The following KCND2 variants were observed in gnomAD, a reference collection of about 807,000 sequenced individuals.
The protein encoded by KCND2 is potassium voltage-gated channel subfamily D member 2.
Under a neutral mutation model 54.4 loss-of-function variants are expected in KCND2, and 16 were observed. The observed-to-expected ratio is 0.29, with a 90% CI of 0.20 to 0.45. The LOEUF is 0.45. Among genes scored for constraint, KCND2 ranks in the 20% least tolerant of loss-of-function variants. The pLI is 1.00. For missense variants in KCND2, 486 were observed against 824.2 expected (o/e 0.59, Z 5.02); for synonymous variants, 317 against 310.7 (o/e 1.02, Z -0.21).
intron 1 of KCND2, among the ~76,000 whole-genome samples, chr7:120,562,863 A>G (rs1792252316): frequency 6.6e-6 from 1 of 152,212 alleles, no homozygotes; most frequent in Non-Finnish European, 1.5e-5. Flanking sequence ...TTTTTGTTAA[A>G]CAAAGATAAT....
intron 1 of KCND2, among the ~76,000 whole-genome samples, chr7:120,367,854 C>T (rs1433850165): frequency 2.0e-5 from 3 of 151,992 alleles, no homozygotes; most frequent in African/African-American, 4.8e-5. Flanking sequence ...CTAAATATTT[C>T]GTTTTCATTG....
At chr7:120,309,452 C>CATATATAT (rs61690032) in intron 1 of KCND2, among the ~76,000 whole-genome samples, 2,385 of 68,020 alleles carry the variant, frequency 0.035, 47 homozygotes, top group Non-Finnish European at 0.052. Context: ...TAATAGAAAA[C>CATATATAT]ATATATATAT....
At chr7:120,597,468 C>T (rs1379106999) in intron 1 of KCND2, among the ~76,000 whole-genome samples, 6 of 151,874 alleles carry the variant, frequency 4.0e-5, no homozygotes, top group Non-Finnish European at 5.9e-5. Context: ...TAAAAATAAC[C>T]GAAGACATAT....
intron 1 of KCND2, among the ~76,000 whole-genome samples, chr7:120,654,683 A>G (rs1791778574): frequency 6.6e-6 from 1 of 152,210 alleles, no homozygotes; most frequent in Non-Finnish European, 1.5e-5. Flanking sequence ...ATGGTTAAAA[A>G]GAATAAGACA....
chr7:120,580,411 T>A (rs1221582675), intron 1 of KCND2, among the ~76,000 whole-genome samples: 1 of 152,116 alleles, frequency 6.6e-6, no homozygotes, highest in African/African-American at 2.4e-5. Flanking sequence ...CACTTTCCTC[T>A]CTCCTCCACC....
chr7:120,477,505 A>G (rs1242610219), intron 1 of KCND2, among the ~76,000 whole-genome samples: 1 of 152,220 alleles, frequency 6.6e-6, no homozygotes, highest in African/African-American at 2.4e-5. Context: ...AATCTATTGT[A>G]AAAAATTACA....
intron 1 of KCND2, among the ~76,000 whole-genome samples, chr7:120,691,010 C>T (rs1012806249): frequency 1.3e-5 from 2 of 152,094 alleles, no homozygotes; most frequent in African/African-American, 4.8e-5. Context: ...TAAGTAAATA[C>T]TTAAAAGTAG....
intron 1 of KCND2, among the ~76,000 whole-genome samples, chr7:120,657,093 G>C (rs1181356729): frequency 6.6e-6 from 1 of 152,086 alleles, no homozygotes; most frequent in Non-Finnish European, 1.5e-5. Context: ...TGTTTTGGGG[G>C]AGTTATTCAT....
At chr7:120,381,141 G>C (rs1800910434) in intron 1 of KCND2, among the ~76,000 whole-genome samples, 1 of 151,980 alleles carries the variant, frequency 6.6e-6, no homozygotes, top group African/African-American at 2.4e-5. Flanking sequence ...TGTAATCCCA[G>C]CTATTTGGGA....
intron 1 of KCND2, among the ~76,000 whole-genome samples, chr7:120,441,647 T>C (rs1801946778): frequency 6.6e-6 from 1 of 152,130 alleles, no homozygotes; most frequent in Admixed American, 6.6e-5. Context: ...TTATGTAACA[T>C]GCAGTTAACC....
chr7:120,651,496 T>A (rs774930140), intron 1 of KCND2, among the ~76,000 whole-genome samples: 1 of 152,190 alleles, frequency 6.6e-6, no homozygotes, highest in Non-Finnish European at 1.5e-5. Context: ...GTGACCCTAT[T>A]TTCCAGGTCC....
At chr7:120,349,385 A>C (rs562811442) in intron 1 of KCND2, among the ~76,000 whole-genome samples, 22 of 151,966 alleles carry the variant, frequency 1.4e-4, no homozygotes, top group African/African-American at 5.1e-4. Context: ...GAATGTGAGC[A>C]TTTTAACAAT....
chr7:120,670,760 C>T (rs1444608374), intron 1 of KCND2, among the ~76,000 whole-genome samples: 1 of 151,712 alleles, frequency 6.6e-6, no homozygotes, highest in Non-Finnish European at 1.5e-5. Flanking sequence ...ACTAAAAATA[C>T]AAAAAATTCG....
chr7:120,374,600 A>G (rs116357605), intron 1 of KCND2, among the ~76,000 whole-genome samples: 219 of 151,904 alleles, frequency 1.4e-3, no homozygotes, highest in African/African-American at 5.0e-3. Flanking sequence ...ATCTTAATTA[A>G]GAGACTTGCT....
At chr7:120,293,515 A>G (rs1448651767) in intron 1 of KCND2, among the ~76,000 whole-genome samples, 1 of 151,938 alleles carries the variant, frequency 6.6e-6, no homozygotes, top group Non-Finnish European at 1.5e-5. Context: ...CAGGAGGCTC[A>G]TTATTGATGA....
At chr7:120,645,621 T>G (rs1002245831) in intron 1 of KCND2, among the ~76,000 whole-genome samples, 30 of 152,092 alleles carry the variant, frequency 2.0e-4, no homozygotes, top group African/African-American at 6.8e-4. Context: ...GCTGGCCACA[T>G]GACAATTGGC....
At position 120,669,407 on chromosome 7, in the gene KCND2, A is replaced by G. The variant is rs1791964494; in HGVS notation, c.1116-63496A>G. 3.9e-5 allele frequency among the ~76,000 whole-genome samples: 6 copies of G among 152,076 alleles called. No homozygotes were observed. In the South Asian group the frequency reaches 1.2e-3, roughly 32 times the overall value. The stretch of plus-strand genomic sequence containing the variant: ...GACTACTATAAACAATGGAATTTAG[A>G]TAAATTGATAGAATCAGAAGAAAAA... On this transcript the variant is annotated intron_variant, in intron 1 of 5. Coordinates refer to ENST00000331113, the MANE Select transcript of KCND2 (RefSeq NM_012281.3).
intron 1 of KCND2, among the ~76,000 whole-genome samples, chr7:120,580,822 T>C (rs1055569747): frequency 2.0e-5 from 3 of 152,198 alleles, no homozygotes; most frequent in African/African-American, 7.2e-5. Flanking sequence ...GCTTTTATTA[T>C]GGCACAATGA....
At chr7:120,510,994 C>G (rs775376959) in intron 1 of KCND2, among the ~76,000 whole-genome samples, 3 of 149,850 alleles carry the variant, frequency 2.0e-5, no homozygotes, top group African/African-American at 7.5e-5. Context: ...TGACTTGACA[C>G]CTTTCCCCAT....
Sources: allele counts gnomAD v4.1 joint callset (sites outside exome capture counted in the v4.1 genomes callset), GRCh38; gene constraint gnomAD v4.1.1; transcripts MANE v1.5; gene names NCBI Gene and HGNC (gene_info 2026-07-23, HGNC 2026-07-21).